Variants in GLS observed in about 807,000 individuals in gnomAD.
The protein encoded by GLS is glutaminase kidney isoform, mitochondrial.
A neutral mutation model predicts 86.7 loss-of-function variants in GLS; 36 were observed. The observed-to-expected ratio is 0.42, with a 90% CI of 0.32 to 0.55. The LOEUF (loss-of-function observed/expected upper bound fraction) is 0.55. GLS is among the 20% of genes least tolerant of loss of function. The pLI, the probability that GLS is intolerant of heterozygous loss-of-function variation, is 0.17. For missense variants in GLS, 528 were observed against 833.4 expected, an observed-to-expected ratio of 0.63 and a Z score of 4.51; for synonymous variants, 317 against 305.9, an observed-to-expected ratio of 1.04 and a Z score of -0.38.
rs952043717 is a variant in GLS, at chr2:190,953,013, C to T, written c.1651-552C>T. Among the ~76,000 whole-genome samples, 6 of 152,000 alleles carry T rather than the reference C, an allele frequency of 3.9e-5. No individual in the cohort carries two copies. The highest frequency in any genetic ancestry group is 1.4e-4 in the African/African-American group (6 of 41,398). On this transcript the variant is annotated intron_variant, in intron 14 of 17. Transcript: ENST00000320717. The surrounding 1 kb of genome is among the most constrained non-coding windows in gnomAD (Gnocchi z 4.0). ...CAGTGTCATAAGTTCTGAGAATGAC[C>T]CAATTTGTACCACCTGGGCATTGAA...
chr2:190,910,049 AT>A (rs1315595730), intron 6 of GLS, among the ~76,000 whole-genome samples: 3 of 152,112 alleles, frequency 2.0e-5, no homozygotes. Context: ...TAAAAAAAAA[AT>A]CCCTTATAAT....
chr2:190,949,523 G>A lies in GLS; in HGVS notation c.1651-4042G>A, dbSNP rs1034293382. ...AGCCTGGCCAACCTAGTGAAACCCC[G>A]TCTCTACCAAAAACTACAAAAATTA... On this transcript the variant is annotated intron_variant, in intron 14 of 17. Transcript: ENST00000320717. The surrounding 1 kb of genome is among the most constrained non-coding windows in gnomAD (Gnocchi z 4.0). 4.6e-5 allele frequency among the ~76,000 whole-genome samples: 7 copies of A among 152,000 alleles called. No individual in the cohort carries two copies. Among genetic ancestry groups the A allele is most frequent in the South Asian group, 2.1e-4 (1 of 4,814 alleles).
chr2:190,925,409 G>A (rs1336526554), intron 11 of GLS, among the ~76,000 whole-genome samples: 3 of 152,024 alleles, frequency 2.0e-5, no homozygotes, highest in Non-Finnish European at 2.9e-5. Context: ...GAGGGGGTGG[G>A]GTTGAGCGAG....
chr2:190,884,495 A>G (rs780219599), intron 1 of GLS, among the ~76,000 whole-genome samples: 46 of 152,242 alleles, frequency 3.0e-4, no homozygotes, highest in African/African-American at 9.9e-4. Flanking sequence ...GTCACAAACT[A>G]TGTTATGGTT....
Position 190,910,256 on chromosome 2 carries a change from T to G in GLS, c.980-7T>G, listed in dbSNP as rs1413624774. ...TGAAATAATGGTATTGCTTTTATAT[T>G]TTACAGATAAACCACATAATCCTAT... On this transcript the variant is annotated splice_region_variant and splice_polypyrimidine_tract_variant and intron_variant, in intron 6 of 17. Coordinates refer to ENST00000320717, the MANE Select transcript of GLS (RefSeq NM_014905.5). 1 of 1,462,394 alleles carries G rather than the reference T, an allele frequency of 6.8e-7. No homozygotes were observed. Among genetic ancestry groups the G allele is most frequent in the Non-Finnish European group, 9.5e-7 (1 of 1,051,276 alleles). The allele number at this position is 1,462,394 out of a possible 1,614,324, so 90.6% of individuals were successfully genotyped here. A position where few individuals can be genotyped will look rare whatever the true frequency, so the allele number is the denominator to read the frequency against.
intron 3 of GLS, among the ~76,000 whole-genome samples, chr2:190,898,590 G>C (rs1241602216): frequency 6.6e-6 from 1 of 152,198 alleles, no homozygotes; most frequent in Non-Finnish European, 1.5e-5. Context: ...TGCTAGAGCA[G>C]AACATTTGTA....
At chr2:190,909,311 T>G (rs1327895545) in intron 6 of GLS, among the ~76,000 whole-genome samples, 1 of 152,218 alleles carries the variant, frequency 6.6e-6, no homozygotes. Flanking sequence ...TTCATATATT[T>G]ATTTGTAATG....
Position 190,943,219 on chromosome 2 carries a change from A to G in GLS, c.1651-10346A>G, listed in dbSNP as rs1690493645. On this transcript the variant is annotated intron_variant, in intron 14 of 17. Transcript: ENST00000320717. This position sits in a 1 kb window ranked among gnomAD's most constrained non-coding sequence, Gnocchi z 4.5. ...GTTTGAGATATTTGTGAGATATCTA[A>G]GTAGTGATGTTGAGTAAGCAGTCAG... 6.6e-6 allele frequency among the ~76,000 whole-genome samples: 1 copy of G among 152,210 alleles called. No homozygotes were observed. The highest frequency in any genetic ancestry group is 2.4e-5 in the African/African-American group (1 of 41,460).
Position 190,921,353 on chromosome 2 carries a change from TTACAGGTAATCA to T in GLS, c.1130+155_1130+166del. The T allele has an allele frequency of 3.1e-6, 2 of 642,152 alleles. No individual in the cohort carries two copies. The highest frequency in any genetic ancestry group is 5.5e-6 in the Non-Finnish European group (2 of 364,944). 39.8% of individuals were successfully genotyped at this position (642,152 alleles called of 1,614,324 possible). On this transcript the variant is annotated intron_variant, in intron 9 of 17. Transcript: ENST00000320717. The surrounding 1 kb of genome is among the most constrained non-coding windows in gnomAD (Gnocchi z 4.2). The stretch of plus-strand genomic sequence containing the variant: ...ACTTTAAATAGTTTTGACAAATTTC[TTACAGGTAATCA>T]TACAATCAGAAGAGACCCCAAGTTT...
chr2:190,930,420 T>A lies in GLS; in HGVS notation c.1426-17T>A, dbSNP rs1252722471. ...TAAAATGTTTACCTGAATACTCTTT[T>A]ACTGAATTATTTTTAGGTTGGTCTT... On this transcript the variant is annotated splice_polypyrimidine_tract_variant and intron_variant, in intron 12 of 17. Coordinates refer to ENST00000320717, the MANE Select transcript of GLS (RefSeq NM_014905.5). The surrounding 1 kb of genome is among the most constrained non-coding windows in gnomAD (Gnocchi z 5.0). The A allele has an allele frequency of 1.3e-5, 20 of 1,579,768 alleles. No homozygotes were observed. The highest frequency in any genetic ancestry group is 1.7e-5 in the Non-Finnish European group (20 of 1,149,052).
chr2:190,910,142 A>G (rs1335290247), intron 6 of GLS, 121 bp from the exon 7 acceptor site: 1 of 599,538 alleles, frequency 1.7e-6, no homozygotes, highest in Non-Finnish European at 3.0e-6. Context: ...AAAATAAAGC[A>G]CTAAGAAAAA....
rs776057870 is a variant in GLS at position 190,962,620 on chromosome 2, C to G, written c.1854-210C>G. ...ACAAGATCCTTTCACAGATCTTTTT[C>G]TCTTCCTCTCCATATCCCAACTTGT... is the stretch of plus-strand genomic sequence containing the variant. On this transcript the variant is annotated intron_variant, in intron 17 of 17. Transcript: ENST00000320717. This position sits in a 1 kb window ranked among gnomAD's most constrained non-coding sequence, Gnocchi z 4.2. Among the ~76,000 whole-genome samples the G allele has an allele frequency of 1.3e-5, 2 of 152,206 alleles. No homozygotes were observed. Among genetic ancestry groups the G allele is most frequent in the Non-Finnish European group, 2.9e-5 (2 of 68,030 alleles).
Position 190,920,049 on chromosome 2 carries a change from A to G in GLS, c.1039-975A>G, listed in dbSNP as rs1921907. 70,625 of 151,744 alleles carry G rather than the reference A, an allele frequency of 0.47. 19,241 individuals carry two copies. The highest frequency in any genetic ancestry group is 0.62 in the Non-Finnish European group (41,839 of 67,686). 9.4% of individuals were successfully genotyped at this position (151,744 alleles called of 1,614,324 possible). A position where few individuals can be genotyped will look rare whatever the true frequency, so the allele number is the denominator to read the frequency against. ...ATTCTCTGGTACAGGTTTTCCTCCC[A>G]TAATATTTTAAAGTACAATGTTTTG... is the stretch of plus-strand genomic sequence containing the variant. On this transcript the variant is annotated intron_variant, in intron 7 of 17. Transcript: ENST00000320717. The surrounding 1 kb of genome is among the most constrained non-coding windows in gnomAD (Gnocchi z 4.2).
At position 190,963,929 on chromosome 2, in the gene GLS, A is replaced by AAGAT. The variant is rs1238617462; in HGVS notation, c.*945_*948dup. The AAGAT allele has an allele frequency of 1.3e-5, 2 of 152,190 alleles. No individual in the cohort carries two copies. The highest frequency in any genetic ancestry group is 2.9e-5 in the Non-Finnish European group (2 of 68,022). The allele number at this position is 152,190 out of a possible 1,614,324, so 9.4% of individuals were successfully genotyped here. On this transcript the variant is annotated 3_prime_UTR_variant, in exon 18 of 18. Coordinates refer to ENST00000320717, the MANE Select transcript of GLS (RefSeq NM_014905.5). ...TTTTTTTTTTTTAGCTTCTAGGGTA[A>AAGAT]AGATAAATTCAGAAATGCTCTAAGC...
In GLS at chr2:190,905,939, T is replaced by A. The variant is rs1251432868; in HGVS notation, c.979+772T>A. ...GTAATGGCTGTGAGAGATACACTTT[T>A]GTACTTTTTTTTTCTGCTGTATAAA... is the stretch of plus-strand genomic sequence containing the variant. On this transcript the variant is annotated intron_variant, in intron 6 of 17. Coordinates refer to ENST00000320717, the MANE Select transcript of GLS (RefSeq NM_014905.5). This position sits in a 1 kb window ranked among gnomAD's most constrained non-coding sequence, Gnocchi z 4.6. 6.6e-6 allele frequency among the ~76,000 whole-genome samples: 1 copy of A among 152,132 alleles called. No homozygotes were observed. Among genetic ancestry groups the A allele is most frequent in the Non-Finnish European group, 1.5e-5 (1 of 67,962 alleles).
rs998638912 is a variant in GLS, at chr2:190,897,272, G to T, written c.605+1547G>T. Among the ~76,000 whole-genome samples, 3 of 151,980 alleles carry T rather than the reference G, an allele frequency of 2.0e-5. No homozygotes were observed. Among genetic ancestry groups the T allele is most frequent in the African/African-American group, 7.3e-5 (3 of 41,362 alleles). Reference sequence around the variant, plus strand: ...ACTCCTGACCTCAGGTAATCCATCCGCCTCGGCCTCCTAAAGTTACACGGT... The same window carrying T: ...ACTCCTGACCTCAGGTAATCCATCCTCCTCGGCCTCCTAAAGTTACACGGT... On this transcript the variant is annotated intron_variant, in intron 3 of 17. Coordinates refer to ENST00000320717, the MANE Select transcript of GLS (RefSeq NM_014905.5). This position sits in a 1 kb window ranked among gnomAD's most constrained non-coding sequence, Gnocchi z 4.3.
intron 5 of GLS, among the ~76,000 whole-genome samples, chr2:190,904,031 C>G (rs1689044688): frequency 2.0e-5 from 3 of 152,088 alleles, no homozygotes; most frequent in South Asian, 4.1e-4. Flanking sequence ...TCATGTACTT[C>G]TCAGTTTGGT....
In GLS at chr2:190,924,256, G is replaced by T. The variant is rs1186577931; in HGVS notation, c.1197+273G>T. 6.6e-6 allele frequency among the ~76,000 whole-genome samples: 1 copy of T among 152,050 alleles called. No homozygotes were observed. Among genetic ancestry groups the T allele is most frequent in the Non-Finnish European group, 1.5e-5 (1 of 67,986 alleles). ...TAGTCTATTTTTTCAAAAGCATGATGCCTGATTACTGTTAACTACTCTTGA... is the reference window on the plus strand; with the variant it reads ...TAGTCTATTTTTTCAAAAGCATGATTCCTGATTACTGTTAACTACTCTTGA... On this transcript the variant is annotated intron_variant, in intron 10 of 17. Coordinates refer to ENST00000320717, the MANE Select transcript of GLS (RefSeq NM_014905.5). This position sits in a 1 kb window ranked among gnomAD's most constrained non-coding sequence, Gnocchi z 5.2.
intron 14 of GLS, among the ~76,000 whole-genome samples, chr2:190,945,675 AAG>A (rs1280729791): frequency 1.3e-4 from 20 of 152,038 alleles, no homozygotes; most frequent in Non-Finnish European, 2.4e-4. Flanking sequence ...AAAAAAAAAA[AAG>A]AAAAAAAAAT....
Sources: allele counts gnomAD v4.1 joint callset (sites outside exome capture counted in the v4.1 genomes callset), GRCh38; gene constraint gnomAD v4.1.1; non-coding constraint Gnocchi (gnomAD v3.1); transcripts MANE v1.5; gene names NCBI Gene and HGNC (gene_info 2026-07-23, HGNC 2026-07-21).